The following HOMER1 variants were observed in gnomAD, a reference collection of about 807,000 sequenced individuals.
The protein encoded by HOMER1 is homer protein homolog 1.
HOMER1 carries 3 observed loss-of-function variants against 48.9 expected under a neutral mutation model. That is an observed-to-expected ratio of 0.06 (90% CI 0.03 to 0.16). HOMER1 has a LOEUF of 0.16. Ranked by LOEUF, HOMER1 falls within the 10% of genes least tolerant of loss-of-function variation. The pLI, the probability that HOMER1 is intolerant of heterozygous loss-of-function variation, is 1.00. For synonymous variants in HOMER1, 134 were observed against 146.4 expected (o/e 0.92, Z 0.61); for missense variants, 247 against 411.4 (o/e 0.60, Z 3.46).
chr5:79,378,794 T>G (rs1010216110), intron 8 of HOMER1, among the ~76,000 whole-genome samples: 2 of 151,814 alleles, frequency 1.3e-5, no homozygotes, highest in African/African-American at 4.8e-5. Flanking sequence ...ATCAATGCAA[T>G]AGTCAAACAT....
chr5:79,491,331 G>A (rs904588820), intron 1 of HOMER1, among the ~76,000 whole-genome samples: 1 of 150,808 alleles, frequency 6.6e-6, no homozygotes, highest in Non-Finnish European at 1.5e-5. Flanking sequence ...TGAGGCAAGA[G>A]GCGAGGTAGG....
chr5:79,511,183 T>C (rs1017016351), intron 1 of HOMER1, among the ~76,000 whole-genome samples: 32 of 152,370 alleles, frequency 2.1e-4, no homozygotes, highest in African/African-American at 7.0e-4. Flanking sequence ...TCCTCCAACA[T>C]GTTTTAAACA....
chr5:79,506,412 C>T (rs1292444135), intron 1 of HOMER1, among the ~76,000 whole-genome samples: 1 of 152,058 alleles, frequency 6.6e-6, no homozygotes, highest in Admixed American at 6.6e-5. Flanking sequence ...ATGTGTTACA[C>T]TCAGGACAGA....
intron 5 of HOMER1, among the ~76,000 whole-genome samples, chr5:79,430,935 TA>T (rs1184280530): frequency 3.1e-4 from 45 of 144,890 alleles, no homozygotes; most frequent in South Asian, 6.6e-4. Flanking sequence ...AAAATAAAAA[TA>T]AAAAAAAAAT....
chr5:79,486,032 TCA>T (rs1752090598), intron 1 of HOMER1, among the ~76,000 whole-genome samples: 1 of 152,180 alleles, frequency 6.6e-6, no homozygotes, highest in South Asian at 2.1e-4. Context: ...CTTAGGATAC[TCA>T]CTCTTAGAAC....
chr5:79,469,660 T>A (rs1751566842), intron 1 of HOMER1, among the ~76,000 whole-genome samples: 1 of 145,764 alleles, frequency 6.9e-6, no homozygotes, highest in South Asian at 2.4e-4. Context: ...ATGTGACTTA[T>A]AATTTGCCTT....
At chr5:79,497,162 G>A (rs1580034614) in intron 1 of HOMER1, among the ~76,000 whole-genome samples, 1 of 151,348 alleles carries the variant, frequency 6.6e-6, no homozygotes, top group African/African-American at 2.4e-5. Flanking sequence ...TAACATAGAA[G>A]TAAGTAAGAT....
chr5:79,377,846 T>A (rs1484698982), intron 8 of HOMER1, among the ~76,000 whole-genome samples: 1 of 152,154 alleles, frequency 6.6e-6, no homozygotes, highest in African/African-American at 2.4e-5. Context: ...CAGACACTTT[T>A]TTCCAAAAAT....
At chr5:79,492,935 T>TTTAA (rs1561385945) in intron 1 of HOMER1, among the ~76,000 whole-genome samples, 5 of 113,012 alleles carry the variant, frequency 4.4e-5, no homozygotes, top group Non-Finnish European at 7.0e-5. Flanking sequence ...TTTTTTTTTT[T>TTTAA]AAAGACAGAG....
At chr5:79,500,959 G>GACACACACACACACACACACAC (rs779298030) in intron 1 of HOMER1, among the ~76,000 whole-genome samples, 7 of 129,950 alleles carry the variant, frequency 5.4e-5, no homozygotes, top group African/African-American at 2.1e-4. Context: ...GTGTGAGACA[G>GACACACACACACACACACACAC]ACAGACACAC....
intron 5 of HOMER1, among the ~76,000 whole-genome samples, chr5:79,423,044 G>A (rs369989957): frequency 2.6e-5 from 4 of 152,232 alleles, no homozygotes; most frequent in African/African-American, 9.6e-5. Context: ...TGTAAGGTAT[G>A]ATTCACAGGT....
chr5:79,468,436 C>A (rs1163883523), intron 1 of HOMER1, among the ~76,000 whole-genome samples: 1 of 152,128 alleles, frequency 6.6e-6, no homozygotes, highest in Non-Finnish European at 1.5e-5. Flanking sequence ...ATCTCCATGA[C>A]TTTTACATTA....
intron 5 of HOMER1, among the ~76,000 whole-genome samples, chr5:79,416,466 G>T (rs1168724344): frequency 6.6e-6 from 1 of 152,202 alleles, no homozygotes; most frequent in Non-Finnish European, 1.5e-5. Flanking sequence ...CACAGCAAAA[G>T]TCTAGCTCTA....
chr5:79,379,430 ATATT>A (rs928314506), intron 8 of HOMER1, among the ~76,000 whole-genome samples: 11 of 116,930 alleles, frequency 9.4e-5, no homozygotes, highest in African/African-American at 1.3e-4. Context: ...TATATATTAT[ATATT>A]TATTATATAT....
chr5:79,426,968 T>C (rs1750274824), intron 5 of HOMER1, among the ~76,000 whole-genome samples: 1 of 152,074 alleles, frequency 6.6e-6, no homozygotes, highest in Admixed American at 6.6e-5. Context: ...AAAAATTGGG[T>C]TAATTTAGTG....
chr5:79,429,475 C>A (rs1334542138), intron 5 of HOMER1, among the ~76,000 whole-genome samples: 1 of 152,124 alleles, frequency 6.6e-6, no homozygotes. Flanking sequence ...TGATTTTTGA[C>A]AAGGGTGCCA....
At chr5:79,432,880 A>T (rs115581299) in intron 5 of HOMER1, among the ~76,000 whole-genome samples, 1 of 152,324 alleles carries the variant, frequency 6.6e-6, no homozygotes, top group South Asian at 2.1e-4. Context: ...TTAAGTTATG[A>T]TCTCTCACAA....
intron 3 of HOMER1, among the ~76,000 whole-genome samples, chr5:79,448,572 C>T (rs12514775): frequency 0.24 from 35,829 of 151,944 alleles, 4,717 homozygotes; most frequent in East Asian, 0.37. Context: ...GGTACTTTCC[C>T]TTATTTTGAG....
At chr5:79,497,526 C>G (rs1215114184) in intron 1 of HOMER1, among the ~76,000 whole-genome samples, 1 of 151,804 alleles carries the variant, frequency 6.6e-6, no homozygotes, top group Non-Finnish European at 1.5e-5. Flanking sequence ...ATTAGCCAGG[C>G]ATGGTGTACT....
Sources: allele counts gnomAD v4.1 joint callset (sites outside exome capture counted in the v4.1 genomes callset), GRCh38; gene constraint gnomAD v4.1.1; transcripts MANE v1.5; gene names NCBI Gene and HGNC (gene_info 2026-07-23, HGNC 2026-07-21).